Variants in ITGA1 observed in about 807,000 individuals in gnomAD.
ITGA1 encodes the protein integrin subunit alpha 1.
ITGA1 carries 85 observed loss-of-function variants against 145.9 expected under a neutral mutation model. The observed-to-expected ratio is 0.58, with a 90% CI of 0.49 to 0.70. The LOEUF is 0.70. Ranked by LOEUF, ITGA1 falls within the 30% of genes least tolerant of loss-of-function variation. ITGA1 has a pLI of 0.00. For synonymous variants in ITGA1, 520 were observed against 495.3 expected (o/e 1.05, Z -0.66); for missense variants, 1,351 against 1,418.7 (o/e 0.95, Z 0.77).
intron 6 of ITGA1, among the ~76,000 whole-genome samples, chr5:52,873,281 A>G (rs1054109989): frequency 2.0e-5 from 3 of 152,054 alleles, no homozygotes; most frequent in African/African-American, 7.2e-5. Flanking sequence ...ACCTAGCCCT[A>G]TTCCCCTCAG....
At chr5:52,923,257 G>A (rs905973028) in intron 18 of ITGA1, among the ~76,000 whole-genome samples, 10 of 152,240 alleles carry the variant, frequency 6.6e-5, no homozygotes, top group Non-Finnish European at 1.3e-4. Context: ...AGGGACTTTA[G>A]CATTATAATG....
At chr5:52,814,035 G>A (rs1748725081) in intron 1 of ITGA1, among the ~76,000 whole-genome samples, 1 of 152,166 alleles carries the variant, frequency 6.6e-6, no homozygotes, top group Non-Finnish European at 1.5e-5. Context: ...TGCTGAGCCT[G>A]GACTGGCAGG....
chr5:52,813,598 C>A (rs1272149191), intron 1 of ITGA1, among the ~76,000 whole-genome samples: 2 of 152,182 alleles, frequency 1.3e-5, no homozygotes, highest in Non-Finnish European at 2.9e-5. Context: ...GGAATAGCCA[C>A]CCCCAGACAA....
chr5:52,946,908 A>G (rs1751143377), intron 27 of ITGA1, among the ~76,000 whole-genome samples: 1 of 152,244 alleles, frequency 6.6e-6, no homozygotes, highest in South Asian at 2.1e-4. Flanking sequence ...ACAAAAAATT[A>G]TGCACACTAG....
chr5:52,792,411 C>T (rs537358292), intron 1 of ITGA1, among the ~76,000 whole-genome samples: 7 of 152,222 alleles, frequency 4.6e-5, no homozygotes, highest in African/African-American at 1.2e-4. Context: ...AATGAATTCA[C>T]GGGATTTTTG....
chr5:52,841,972 T>G (rs540203807), intron 1 of ITGA1, among the ~76,000 whole-genome samples: 1 of 152,124 alleles, frequency 6.6e-6, no homozygotes, highest in Admixed American at 6.6e-5. Flanking sequence ...CTCTTCATTA[T>G]AGAGCTCATA....
intron 1 of ITGA1, among the ~76,000 whole-genome samples, chr5:52,821,973 G>T (rs531550155): frequency 2.4e-4 from 36 of 152,228 alleles, no homozygotes; most frequent in Non-Finnish European, 4.9e-4. Flanking sequence ...ATTGCTTTTA[G>T]GAATGAATAT....
chr5:52,934,809 G>A (rs542910374), intron 23 of ITGA1, among the ~76,000 whole-genome samples: 1 of 151,848 alleles, frequency 6.6e-6, no homozygotes, highest in South Asian at 2.1e-4. Context: ...ACAAAAAAAA[G>A]TTCTCTCATA....
At chr5:52,876,795 T>C (rs1469886796) in intron 6 of ITGA1, among the ~76,000 whole-genome samples, 1 of 152,172 alleles carries the variant, frequency 6.6e-6, no homozygotes, top group African/African-American at 2.4e-5. Flanking sequence ...TTGAGAAGAA[T>C]GCAATACTCA....
At chr5:52,910,685 T>C (rs900790976) in intron 14 of ITGA1, among the ~76,000 whole-genome samples, 21 of 147,360 alleles carry the variant, frequency 1.4e-4, no homozygotes, top group African/African-American at 4.7e-4. Context: ...ACACACTATA[T>C]ATACTATATA....
At chr5:52,905,967 A>T (rs960345960) in intron 12 of ITGA1, 59 bp downstream of exon 12, 107 of 1,466,028 alleles carry the variant, frequency 7.3e-5, no homozygotes, top group Admixed American at 5.3e-5. Context: ...ATGTATATTT[A>T]CTGTCTATTG....
chr5:52,957,364 C>T lies in ITGA1; in HGVS notation c.*4913C>T, dbSNP rs2111571327. On this transcript the variant is annotated 3_prime_UTR_variant, in exon 29 of 29. Coordinates refer to ENST00000282588, the MANE Select transcript of ITGA1 (RefSeq NM_181501.2). ...ACATCAGGCACCCGGGAATGCTTCT[C>T]ATTGAAATTTTACCATACCAAAAAA... 1 of 152,300 alleles carries T rather than the reference C, an allele frequency of 6.6e-6. No individual in the cohort carries two copies. The highest frequency in any genetic ancestry group is 1.5e-5 in the Non-Finnish European group (1 of 68,040). The allele number at this position is 152,300 out of a possible 1,614,324, so 9.4% of individuals were successfully genotyped here.
chr5:52,825,826 G>C (rs1357846067), intron 1 of ITGA1, among the ~76,000 whole-genome samples: 1 of 151,856 alleles, frequency 6.6e-6, no homozygotes, highest in Non-Finnish European at 1.5e-5. Flanking sequence ...GCTGAGGCAG[G>C]AGAATCGCTT....
intron 28 of ITGA1, among the ~76,000 whole-genome samples, chr5:52,949,874 A>G (rs1022139073): frequency 6.7e-6 from 1 of 149,964 alleles, no homozygotes; most frequent in Non-Finnish European, 1.5e-5. Flanking sequence ...TATTCTAACT[A>G]GATCTGGATC....
At chr5:52,854,917 A>G (rs1007602870) in intron 2 of ITGA1, among the ~76,000 whole-genome samples, 1 of 152,188 alleles carries the variant, frequency 6.6e-6, no homozygotes, top group African/African-American at 2.4e-5. Context: ...TATCCAGAAC[A>G]TGTTTTGATC....
Position 52,910,419 on chromosome 5 carries a change from A to C in ITGA1, c.1857A>C (p.Gln619His), listed in dbSNP as rs1334481699. 6.2e-7 allele frequency: 1 copy of C among 1,609,390 alleles called. No individual in the cohort carries two copies. Among genetic ancestry groups the C allele is most frequent in the Admixed American group, 1.7e-5 (1 of 59,894 alleles). Residue 619 changes from glutamine to histidine, a missense_variant and splice_region_variant, in exon 14 of 29, where the codon CAA becomes CAC. Gln to His is a conservative substitution (Grantham distance 24). Transcript: ENST00000282588. Reference sequence around the variant, plus strand: ...AGACTATAAGGAAAGAGTATGCACAAGTAAGAATTGAAACCTACAGATTCC... The same window carrying C: ...AGACTATAAGGAAAGAGTATGCACACGTAAGAATTGAAACCTACAGATTCC... Reference protein sequence around the residue: ...SGKTIRKEYAQRIPSGGDGKT... With the variant: ...SGKTIRKEYAHRIPSGGDGKT...
Position 52,905,888 on chromosome 5 carries a change from C to A in ITGA1, c.1435C>A (p.Gln479Lys), listed in dbSNP as rs1402804330. The stretch of plus-strand genomic sequence containing the variant: ...GGAAGATGGAAACATCAAAATTCTC[C>A]AGACGCTCAGTGGAGAACAGGTAAA... ...RMEDGNIKIL[Q>K]TLSGEQIGSY... Residue 479 changes from glutamine (Q) to lysine (K), a missense_variant, in exon 12 of 29, where the codon CAG becomes AAG. By Grantham distance (53) the Gln-to-Lys change is moderately conservative. Coordinates refer to ENST00000282588, the MANE Select transcript of ITGA1 (RefSeq NM_181501.2). 1 of 1,613,160 alleles carries A rather than the reference C, an allele frequency of 6.2e-7. No homozygotes were observed. The highest frequency in any genetic ancestry group is 1.7e-5 in the Admixed American group (1 of 60,002).
chr5:52,794,048 G>T (rs1317076931), intron 1 of ITGA1, among the ~76,000 whole-genome samples: 1 of 151,926 alleles, frequency 6.6e-6, no homozygotes, highest in Admixed American at 6.6e-5. Flanking sequence ...GCATATGCTG[G>T]TTGGTGTTAG....
At chr5:52,891,719 G>A (rs1579701852) in intron 8 of ITGA1, among the ~76,000 whole-genome samples, 1 of 151,512 alleles carries the variant, frequency 6.6e-6, no homozygotes, top group East Asian at 1.9e-4. Context: ...CTAATATACA[G>A]AAATACAAAA....
Sources: gnomAD v4.1 joint callset for allele counts (sites outside exome capture counted in the v4.1 genomes callset) on GRCh38, gnomAD v4.1.1 for gene constraint, MANE v1.5 for transcripts, NCBI Gene and HGNC (gene_info 2026-07-23, HGNC 2026-07-21) for gene names.